The following CPNE4 variants were observed in gnomAD, a reference collection of about 807,000 sequenced individuals.
The protein encoded by CPNE4 is copine 4.
CPNE4 carries 25 observed loss-of-function variants against 67.9 expected under a neutral mutation model. The ratio of observed to expected loss-of-function variants is 0.37; its 90% CI spans 0.27 to 0.51. The LOEUF (loss-of-function observed/expected upper bound fraction) is 0.51, where lower values mean the gene tolerates loss of function less well. Among genes scored for constraint, CPNE4 ranks in the 20% least tolerant of loss-of-function variants. The probability of loss-of-function intolerance (pLI) is 0.93; values close to 1 mark genes in which losing one functional copy is unlikely to be tolerated. For missense variants in CPNE4, 464 were observed against 690.8 expected (o/e 0.67, Z 3.68); for synonymous variants, 242 against 244.9 (o/e 0.99, Z 0.11).
chr3:131,770,504 G>A (rs985520159), intron 2 of CPNE4, among the ~76,000 whole-genome samples: 9 of 152,324 alleles, frequency 5.9e-5, no homozygotes, highest in Admixed American at 5.9e-4. Context: ...TCAGAGATAG[G>A]TGGAGCTAGC....
At chr3:131,905,820 A>G (rs1468443587) in intron 1 of CPNE4, among the ~76,000 whole-genome samples, 1 of 152,198 alleles carries the variant, frequency 6.6e-6, no homozygotes, top group Non-Finnish European at 1.5e-5. Flanking sequence ...TGGTTCATCA[A>G]TTTAATCACA....
chr3:131,866,316 T>C (rs2086948846), intron 2 of CPNE4, among the ~76,000 whole-genome samples: 1 of 152,232 alleles, frequency 6.6e-6, no homozygotes, highest in Admixed American at 6.5e-5. Context: ...TTATTGGCAT[T>C]CGTTTAGTGT....
intron 7 of CPNE4, among the ~76,000 whole-genome samples, chr3:131,590,049 A>C (rs780161161): frequency 6.6e-6 from 1 of 152,122 alleles, no homozygotes; most frequent in Non-Finnish European, 1.5e-5. Flanking sequence ...GGAATTTTGG[A>C]AACTATGATG....
chr3:131,623,597 A>C (rs114937866), intron 7 of CPNE4, among the ~76,000 whole-genome samples: 1 of 152,330 alleles, frequency 6.6e-6, no homozygotes, highest in Non-Finnish European at 1.5e-5. Context: ...ATGCCTTAAC[A>C]AAAAGCTAGT....
chr3:131,695,973 G>A (rs978177736), intron 5 of CPNE4, among the ~76,000 whole-genome samples: 1 of 152,108 alleles, frequency 6.6e-6, no homozygotes, highest in Non-Finnish European at 1.5e-5. Context: ...TGTGAGAGTG[G>A]AATGTCCATT....
At chr3:131,998,875 G>A (rs2073359722) in intron 1 of CPNE4, among the ~76,000 whole-genome samples, 1 of 151,964 alleles carries the variant, frequency 6.6e-6, no homozygotes, top group Non-Finnish European at 1.5e-5. Flanking sequence ...TACCATTTTG[G>A]ATTATGGAAC....
At chr3:131,721,398 C>CATTTTT (rs57350854) in intron 3 of CPNE4, among the ~76,000 whole-genome samples, 7 of 128,340 alleles carry the variant, frequency 5.5e-5, no homozygotes, top group African/African-American at 1.8e-4. Flanking sequence ...ACGGATCTAC[C>CATTTTT]TTTTTTTTTT....
intron 3 of CPNE4, among the ~76,000 whole-genome samples, chr3:131,711,724 T>C (rs1033165064): frequency 3.3e-5 from 5 of 152,344 alleles, no homozygotes; most frequent in South Asian, 4.1e-4. Flanking sequence ...CAAGCAGTTA[T>C]TGTTTTCCTC....
chr3:131,623,086 T>G (rs1940562935), intron 7 of CPNE4, among the ~76,000 whole-genome samples: 2 of 152,126 alleles, frequency 1.3e-5, no homozygotes, highest in Non-Finnish European at 2.9e-5. Context: ...GGTATTTAAT[T>G]GGAGACTACA....
At chr3:131,854,963 C>T (rs1479520104) in intron 2 of CPNE4, among the ~76,000 whole-genome samples, 8 of 151,860 alleles carry the variant, frequency 5.3e-5, no homozygotes, top group Non-Finnish European at 1.0e-4. Context: ...AAATGTTTGC[C>T]TATCAAACCT....
intron 2 of CPNE4, among the ~76,000 whole-genome samples, chr3:131,727,324 G>A (rs898880065): frequency 6.6e-6 from 1 of 152,126 alleles, no homozygotes; most frequent in African/African-American, 2.4e-5. Context: ...GCCAGGCGCA[G>A]TGGCTCAAGC....
chr3:131,723,360 G>C, intron 3 of CPNE4, 86 bp downstream of exon 3: 1 of 1,211,074 alleles, frequency 8.3e-7, no homozygotes, highest in Non-Finnish European at 1.2e-6. Flanking sequence ...GAAAAAGCAA[G>C]GATTAGATGA....
At chr3:131,780,549 C>T (rs181147810) in intron 2 of CPNE4, among the ~76,000 whole-genome samples, 36 of 152,148 alleles carry the variant, frequency 2.4e-4, no homozygotes, top group East Asian at 1.2e-3. Context: ...AGCTGGAGGC[C>T]GTTATCCGAA....
chr3:131,598,961 G>A (rs988190063), intron 7 of CPNE4, among the ~76,000 whole-genome samples: 1 of 151,724 alleles, frequency 6.6e-6, no homozygotes, highest in East Asian at 1.9e-4. Context: ...GGCCAATTGG[G>A]TCAGAAAGGT....
intron 7 of CPNE4, among the ~76,000 whole-genome samples, chr3:131,588,622 A>T (rs1938334029): frequency 1.3e-5 from 2 of 152,200 alleles, no homozygotes; most frequent in Admixed American, 1.3e-4. Flanking sequence ...GATGCCTCAT[A>T]GATCTATAAT....
chr3:131,541,500 A>AAGTT (rs1935484066), intron 15 of CPNE4, among the ~76,000 whole-genome samples: 1 of 152,170 alleles, frequency 6.6e-6, no homozygotes, highest in Non-Finnish European at 1.5e-5. Flanking sequence ...CAAGACTGTA[A>AAGTT]AGTTAGGTAT....
chr3:131,757,990 G>C (rs1286439327), intron 2 of CPNE4, among the ~76,000 whole-genome samples: 2 of 152,222 alleles, frequency 1.3e-5, no homozygotes, highest in Non-Finnish European at 2.9e-5. Flanking sequence ...AAGATGTATG[G>C]AAATGCCTGG....
chr3:131,863,809 A>G (rs376562711), intron 2 of CPNE4, among the ~76,000 whole-genome samples: 61 of 152,240 alleles, frequency 4.0e-4, no homozygotes, highest in South Asian at 3.1e-3. Flanking sequence ...GTATTGCCTA[A>G]GTTTTCTTCT....
chr3:131,806,583 T>C (rs2084324254), intron 2 of CPNE4, among the ~76,000 whole-genome samples: 1 of 150,564 alleles, frequency 6.6e-6, no homozygotes, highest in African/African-American at 2.4e-5. Context: ...ATAGGAACAA[T>C]TTTTATAGTT....
Sources: gnomAD v4.1 joint callset for allele counts (sites outside exome capture counted in the v4.1 genomes callset) on GRCh38, gnomAD v4.1.1 for gene constraint, MANE v1.5 for transcripts, NCBI Gene and HGNC (gene_info 2026-07-23, HGNC 2026-07-21) for gene names.